The following RCAN2 variants were observed in gnomAD, a reference collection of about 807,000 sequenced individuals.
RCAN2 encodes regulator of calcineurin 2.
In RCAN2, 9 loss-of-function variants were observed where a neutral mutation model predicts 23.6. The ratio of observed to expected loss-of-function variants is 0.38; its 90% CI spans 0.23 to 0.67. The LOEUF (loss-of-function observed/expected upper bound fraction) is 0.67. Among genes scored for constraint, RCAN2 ranks in the 30% least tolerant of loss-of-function variants. The pLI, the probability that RCAN2 is intolerant of heterozygous loss-of-function variation, is 0.51. For missense variants in RCAN2, 273 were observed against 302.3 expected, an observed-to-expected ratio of 0.90 and a Z score of 0.72; for synonymous variants, 109 against 115.7, an observed-to-expected ratio of 0.94 and a Z score of 0.37.
At position 46,223,166 on chromosome 6, in the gene RCAN2, C is replaced by A; in HGVS notation, c.707G>T (p.Gly236Val). The A allele has an allele frequency of 6.2e-7, 1 of 1,613,410 alleles. No homozygotes were observed. Among genetic ancestry groups the A allele is most frequent in the Non-Finnish European group, 8.5e-7 (1 of 1,179,924 alleles). ...KPKIIQTRRPGLPPSVSN is the reference protein window; with the variant it reads ...KPKIIQTRRPVLPPSVSN ...TCAGTTGGACACGGAGGGTGGCAGGCCAGGACGCCGAGTTTGGATGATTTT... is the reference window on the plus strand; with the variant it reads ...TCAGTTGGACACGGAGGGTGGCAGGACAGGACGCCGAGTTTGGATGATTTT... Residue 236 changes from glycine (G) to valine (V), a missense_variant, in exon 5 of 5, where the codon GGC becomes GTC. Coordinates refer to ENST00000371374, the MANE Select transcript of RCAN2 (RefSeq NM_001251974.2).
intron 2 of RCAN2, among the ~76,000 whole-genome samples, chr6:46,422,465 G>T (rs1350942991): frequency 6.6e-6 from 1 of 152,116 alleles, no homozygotes; most frequent in Non-Finnish European, 1.5e-5. Flanking sequence ...GAGTAGAGAA[G>T]AAAGAGAAGC....
At chr6:46,437,368 C>G (rs1374683635) in intron 2 of RCAN2, among the ~76,000 whole-genome samples, 1 of 152,156 alleles carries the variant, frequency 6.6e-6, no homozygotes, top group Non-Finnish European at 1.5e-5. Flanking sequence ...TCACTCCCAC[C>G]CCATATCCTA....
chr6:46,275,006 G>T (rs890828082), intron 2 of RCAN2, among the ~76,000 whole-genome samples: 32 of 152,288 alleles, frequency 2.1e-4, no homozygotes, highest in African/African-American at 7.7e-4. Context: ...TATAGTGGCG[G>T]ATACTGATTG....
At chr6:46,291,165 T>C (rs1484989229) in intron 2 of RCAN2, among the ~76,000 whole-genome samples, 2 of 152,074 alleles carry the variant, frequency 1.3e-5, no homozygotes, top group East Asian at 3.9e-4. Context: ...AGAAATTTAA[T>C]CACTGTGTTT....
chr6:46,263,963 A>G (rs1310844076), intron 2 of RCAN2, among the ~76,000 whole-genome samples: 1 of 152,218 alleles, frequency 6.6e-6, no homozygotes, highest in Non-Finnish European at 1.5e-5. Flanking sequence ...CACTGAATAC[A>G]TTCCATTTGA....
intron 2 of RCAN2, among the ~76,000 whole-genome samples, chr6:46,388,090 C>CTGGG: frequency 6.7e-6 from 1 of 148,462 alleles, no homozygotes; most frequent in Non-Finnish European, 1.5e-5. Flanking sequence ...ACATCACACG[C>CTGGG]TGGGGCCTGT....
intron 2 of RCAN2, among the ~76,000 whole-genome samples, chr6:46,375,457 G>T (rs1765431113): frequency 6.6e-6 from 1 of 152,080 alleles, no homozygotes; most frequent in African/African-American, 2.4e-5. Flanking sequence ...CCCCTGTTCA[G>T]AATTCTTCAA....
intron 1 of RCAN2, among the ~76,000 whole-genome samples, chr6:46,458,709 T>C (rs1768119045): frequency 6.6e-6 from 1 of 152,198 alleles, no homozygotes; most frequent in African/African-American, 2.4e-5. Flanking sequence ...CTAGACAACT[T>C]CAATGAAACA....
At chr6:46,438,193 A>G (rs957707158) in intron 2 of RCAN2, 13 of 152,262 alleles carry the variant, frequency 8.5e-5, no homozygotes, top group African/African-American at 3.1e-4. Context: ...AGCACATTTT[A>G]TGACATGGGA....
chr6:46,246,189 G>A (rs752955016), intron 4 of RCAN2, among the ~76,000 whole-genome samples: 3 of 152,214 alleles, frequency 2.0e-5, no homozygotes, highest in South Asian at 2.1e-4. Context: ...TATACTGCGT[G>A]AGAATGAGTG....
At chr6:46,354,897 ATG>A (rs6149559) in intron 2 of RCAN2, among the ~76,000 whole-genome samples, 38,160 of 143,732 alleles carry the variant, frequency 0.27, 4,807 homozygotes, top group African/African-American at 0.31. Flanking sequence ...AAGATTATAT[ATG>A]TGTGTGTGTG....
chr6:46,334,164 G>A (rs1401950111), intron 2 of RCAN2, among the ~76,000 whole-genome samples: 1 of 152,188 alleles, frequency 6.6e-6, no homozygotes, highest in Non-Finnish European at 1.5e-5. Flanking sequence ...TATCTAGGTA[G>A]CACTCCTTTC....
intron 2 of RCAN2, among the ~76,000 whole-genome samples, chr6:46,274,472 G>A (rs1332094497): frequency 6.6e-6 from 1 of 152,202 alleles, no homozygotes; most frequent in Non-Finnish European, 1.5e-5. Context: ...GGAAAAGTAG[G>A]AGAGTTAGAG....
intron 2 of RCAN2, among the ~76,000 whole-genome samples, chr6:46,353,481 T>C (rs1764725010): frequency 6.6e-6 from 1 of 152,176 alleles, no homozygotes; most frequent in African/African-American, 2.4e-5. Context: ...CAAAAGTATC[T>C]TGATGAAAAT....
rs566042113 is a variant in RCAN2 at position 46,360,417 on chromosome 6, C to T, written c.225+96335G>A. Among the ~76,000 whole-genome samples, 11 of 151,330 alleles carry T rather than the reference C, an allele frequency of 7.3e-5. No homozygotes were observed. The South Asian group carries it at 8.4e-4, about 12-fold the overall frequency. On this transcript the variant is annotated intron_variant, in intron 2 of 4. Coordinates refer to ENST00000371374, the MANE Select transcript of RCAN2 (RefSeq NM_001251974.2). ...GGCGTGGTGGTGGGCACCTGTAGTC[C>T]CAGCTCCTCCGGAGGCTGAGGCAGG...
chr6:46,461,904 T>A (rs1934922), intron 1 of RCAN2, among the ~76,000 whole-genome samples: 77,476 of 152,094 alleles, frequency 0.51, 20,060 homozygotes, highest in East Asian at 0.61. Flanking sequence ...CTTTCTTGAC[T>A]GCAGAATGGA....
rs1485294617 is a variant in RCAN2, at chr6:46,448,847, A to C, written c.225+7905T>G. Among the ~76,000 whole-genome samples the C allele has an allele frequency of 5.9e-5, 9 of 151,856 alleles. No individual in the cohort carries two copies. In the East Asian group the frequency reaches 1.5e-3, roughly 26 times the overall value. ...TGTACTTCAATATAACAAAGGCCAT[A>C]TATAACAAACTCACAGCTGACAGCA... On this transcript the variant is annotated intron_variant, in intron 2 of 4. Transcript: ENST00000371374.
rs532448550 is a variant in RCAN2 at position 46,257,772 on chromosome 6, A to C, written c.226-8876T>G. 4.3e-4 allele frequency among the ~76,000 whole-genome samples: 66 copies of C among 152,330 alleles called. 1 individual carries two copies. In the Middle Eastern group the frequency reaches 0.014, roughly 31 times the overall value. On this transcript the variant is annotated intron_variant, in intron 2 of 4. Transcript: ENST00000371374. The stretch of plus-strand genomic sequence containing the variant: ...CCATATTACCTAGAAAGCAACTGAA[A>C]GCCAGAGAAGCTAATCACATACACT...
intron 2 of RCAN2, among the ~76,000 whole-genome samples, chr6:46,388,805 C>G (rs1023491137): frequency 3.9e-5 from 6 of 151,984 alleles, no homozygotes; most frequent in African/African-American, 1.4e-4. Context: ...TGTTGGGGAG[C>G]CGGCAGAGTG....
Sources: gnomAD v4.1 joint callset for allele counts (sites outside exome capture counted in the v4.1 genomes callset) on GRCh38, gnomAD v4.1.1 for gene constraint, MANE v1.5 for transcripts, NCBI Gene and HGNC (gene_info 2026-07-23, HGNC 2026-07-21) for gene names.